Variants in RGS20 observed in about 807,000 individuals in gnomAD.
The protein encoded by RGS20 is regulator of G protein signaling 20.
A neutral mutation model predicts 33.6 loss-of-function variants in RGS20; 30 were observed. That is an observed-to-expected ratio of 0.89 (90% CI 0.67 to 1.21). The LOEUF (loss-of-function observed/expected upper bound fraction) is 1.21. RGS20 is among the 50% of genes most tolerant of loss of function. The pLI is 0.00. For synonymous variants in RGS20, 208 were observed against 197.9 expected, an observed-to-expected ratio of 1.05 and a Z score of -0.43; for missense variants, 472 against 502.4, an observed-to-expected ratio of 0.94 and a Z score of 0.58.
chr8:53,908,483 T>C (rs1813245452), intron 2 of RGS20, among the ~76,000 whole-genome samples: 1 of 151,942 alleles, frequency 6.6e-6, no homozygotes, highest in Non-Finnish European at 1.5e-5. Context: ...CTATTCATAA[T>C]ACAAAAATTA....
At chr8:53,946,503 T>G (rs752583513) in intron 3 of RGS20, 162 bp from the exon 3 acceptor site, 1 of 728,704 alleles carries the variant, frequency 1.4e-6, no homozygotes, top group Non-Finnish European at 2.5e-6. Flanking sequence ...TTGTCACACT[T>G]TTGGTTTGCT....
intron 1 of RGS20, among the ~76,000 whole-genome samples, chr8:53,859,217 A>G (rs7831399): frequency 0.12 from 17,897 of 152,204 alleles, 2,165 homozygotes; most frequent in East Asian, 0.32. Context: ...AACTTTTCAT[A>G]TTCTATTTAT....
At chr8:53,891,948 G>C (rs990304806) in intron 2 of RGS20, among the ~76,000 whole-genome samples, 2 of 151,702 alleles carry the variant, frequency 1.3e-5, no homozygotes, top group African/African-American at 4.8e-5. Context: ...GTGCAGGTTA[G>C]TTACATATGT....
intron 2 of RGS20, among the ~76,000 whole-genome samples, chr8:53,934,907 A>G (rs953481554): frequency 1.3e-5 from 2 of 152,160 alleles, no homozygotes; most frequent in Non-Finnish European, 2.9e-5. Flanking sequence ...CACAACAAAC[A>G]GTCTCTCAGG....
intron 1 of RGS20, among the ~76,000 whole-genome samples, chr8:53,854,986 G>C (rs1811640648): frequency 6.6e-6 from 1 of 152,118 alleles, no homozygotes; most frequent in Non-Finnish European, 1.5e-5. Context: ...TAAACTTTAG[G>C]GAATGGTGCT....
intron 2 of RGS20, among the ~76,000 whole-genome samples, chr8:53,937,285 G>GTAT (rs1371487189): frequency 6.6e-6 from 1 of 151,514 alleles, no homozygotes; most frequent in Non-Finnish European, 1.5e-5. Flanking sequence ...AGAACTTAAA[G>GTAT]TATAATAATA....
intron 2 of RGS20, among the ~76,000 whole-genome samples, chr8:53,893,232 T>C (rs1812764610): frequency 6.6e-6 from 1 of 152,196 alleles, no homozygotes; most frequent in Non-Finnish European, 1.5e-5. Flanking sequence ...ATTATCTCCA[T>C]GAATGATTTA....
At chr8:53,858,346 A>T (rs1035680374) in intron 1 of RGS20, among the ~76,000 whole-genome samples, 7 of 152,140 alleles carry the variant, frequency 4.6e-5, no homozygotes, top group Non-Finnish European at 1.0e-4. Flanking sequence ...GAACAGGAAA[A>T]ATTGAAAACC....
At chr8:53,893,730 T>A (rs1239728281) in intron 2 of RGS20, among the ~76,000 whole-genome samples, 1 of 152,230 alleles carries the variant, frequency 6.6e-6, no homozygotes, top group Non-Finnish European at 1.5e-5. Flanking sequence ...CTTGAGTGAC[T>A]GGTTAGGCAG....
chr8:53,887,587 G>A (rs896447775), intron 2 of RGS20, among the ~76,000 whole-genome samples: 11 of 152,176 alleles, frequency 7.2e-5, no homozygotes, highest in African/African-American at 2.7e-4. Flanking sequence ...CAGCCCAAGA[G>A]CACACGCCCA....
At chr8:53,938,920 G>GGGCA (rs1428370660) in intron 2 of RGS20, among the ~76,000 whole-genome samples, 2 of 152,182 alleles carry the variant, frequency 1.3e-5, no homozygotes, top group Admixed American at 6.5e-5. Flanking sequence ...AGACAGGTCC[G>GGGCA]GGCAGGCCAC....
intron 2 of RGS20, among the ~76,000 whole-genome samples, chr8:53,906,088 A>C (rs1381726454): frequency 6.6e-6 from 1 of 152,186 alleles, no homozygotes; most frequent in African/African-American, 2.4e-5. Context: ...ATCCAACTTT[A>C]AGACCAAGTA....
rs891759810 is a variant in RGS20, at chr8:53,863,066, G to T, written c.165+11002G>T. ...TACAATGGCACGATCTCGGCTCACCGCAACCTCTGCCTCCCAGTTCAAGGG... is the reference window on the plus strand; with the variant it reads ...TACAATGGCACGATCTCGGCTCACCTCAACCTCTGCCTCCCAGTTCAAGGG... On this transcript the variant is annotated intron_variant, in intron 1 of 5. Coordinates refer to ENST00000297313, the MANE Select transcript of RGS20 (RefSeq NM_170587.4). 2.6e-5 allele frequency among the ~76,000 whole-genome samples: 4 copies of T among 152,174 alleles called. No homozygotes were observed. The East Asian group carries it at 5.8e-4, about 22-fold the overall frequency.
At chr8:53,909,400 C>A (rs1159660967) in intron 2 of RGS20, among the ~76,000 whole-genome samples, 1 of 151,402 alleles carries the variant, frequency 6.6e-6, no homozygotes, top group Non-Finnish European at 1.5e-5. Flanking sequence ...TAGGCCCGCA[C>A]CACCATATAT....
intron 3 of RGS20, among the ~76,000 whole-genome samples, chr8:53,943,040 G>A (rs896942371): frequency 1.2e-4 from 18 of 151,784 alleles, no homozygotes; most frequent in Non-Finnish European, 2.5e-4. Flanking sequence ...AAATTATAAA[G>A]CAATACATGT....
chr8:53,874,416 T>G (rs73680341), intron 1 of RGS20, among the ~76,000 whole-genome samples: 1 of 150,504 alleles, frequency 6.6e-6, no homozygotes, highest in Middle Eastern at 3.2e-3. Flanking sequence ...GCGCGTGTGC[T>G]TGCGTGCATC....
chr8:53,933,297 G>A (rs1814028550), intron 2 of RGS20, among the ~76,000 whole-genome samples: 1 of 152,076 alleles, frequency 6.6e-6, no homozygotes, highest in African/African-American at 2.4e-5. Context: ...CAGAAGGTAG[G>A]TAATAAACTC....
chr8:53,864,697 TC>T (rs1811883421), intron 1 of RGS20, among the ~76,000 whole-genome samples: 1 of 152,122 alleles, frequency 6.6e-6, no homozygotes, highest in Admixed American at 6.5e-5. Flanking sequence ...ATGCATTATT[TC>T]CCTAATTTTT....
At chr8:53,859,602 AT>A (rs1328787065) in intron 1 of RGS20, among the ~76,000 whole-genome samples, 1 of 152,216 alleles carries the variant, frequency 6.6e-6, no homozygotes, top group East Asian at 1.9e-4. Context: ...CAAGATAAAG[AT>A]GTGAATAAAC....
Sources: allele counts gnomAD v4.1 joint callset (sites outside exome capture counted in the v4.1 genomes callset), GRCh38; gene constraint gnomAD v4.1.1; transcripts MANE v1.5; gene names NCBI Gene and HGNC (gene_info 2026-07-23, HGNC 2026-07-21).